CNTNAP2: variants seen among roughly 807,000 people sequenced by gnomAD.
The protein encoded by CNTNAP2 is contactin associated protein 2.
Under a neutral mutation model 155.2 loss-of-function variants are expected in CNTNAP2, and 98 were observed. The ratio of observed to expected loss-of-function variants is 0.63; its 90% CI spans 0.54 to 0.75. The LOEUF is 0.75. Among genes scored for constraint, CNTNAP2 ranks in the 30% least tolerant of loss-of-function variants. The pLI is 0.00. For synonymous variants in CNTNAP2, 651 were observed against 631.2 expected (o/e 1.03, Z -0.47); for missense variants, 1,727 against 1,688.1 (o/e 1.02, Z -0.40).
rs991117171 is a variant in CNTNAP2 at position 147,515,939 on chromosome 7, T to G, written c.1777+29898T>G. Among the ~76,000 whole-genome samples the G allele has an allele frequency of 4.6e-5, 7 of 152,234 alleles. No individual in the cohort carries two copies. The East Asian group carries it at 1.4e-3, about 29-fold the overall frequency. ...TTGAGTGCTTACATTAAGATAGTTA[T>G]GGTATGATATACTGATACTGAAATG... On this transcript the variant is annotated intron_variant, in intron 11 of 23. Transcript: ENST00000361727.
intron 15 of CNTNAP2, among the ~76,000 whole-genome samples, chr7:148,034,075 C>G (rs1205920048): frequency 6.6e-6 from 1 of 152,140 alleles, no homozygotes; most frequent in Non-Finnish European, 1.5e-5. Flanking sequence ...GCAATGCTGA[C>G]ATGCCTGCTC....
At chr7:147,912,927 G>A (rs911057747) in intron 14 of CNTNAP2, among the ~76,000 whole-genome samples, 2 of 152,220 alleles carry the variant, frequency 1.3e-5, no homozygotes, top group Non-Finnish European at 2.9e-5. Flanking sequence ...GCTGTGGTCT[G>A]TTCTGGGACC....
At chr7:147,893,251 T>C (rs1001747641) in intron 13 of CNTNAP2, among the ~76,000 whole-genome samples, 1 of 152,214 alleles carries the variant, frequency 6.6e-6, no homozygotes, top group African/African-American at 2.4e-5. Flanking sequence ...AAGTTCTTAA[T>C]TTAAATAGTA....
chr7:148,101,349 CAGTG>C (rs1804094967), intron 15 of CNTNAP2, among the ~76,000 whole-genome samples: 1 of 102,274 alleles, frequency 9.8e-6, no homozygotes, highest in South Asian at 4.0e-4. Flanking sequence ...CTAAAAAGTT[CAGTG>C]TGTGTGTGTG....
chr7:147,388,894 C>T (rs765297786), intron 9 of CNTNAP2, among the ~76,000 whole-genome samples: 16 of 152,108 alleles, frequency 1.1e-4, no homozygotes, highest in Non-Finnish European at 1.8e-4. Context: ...TATGTGTACC[C>T]TCTTTCTTTG....
At chr7:148,146,779 C>G (rs1233390408) in intron 16 of CNTNAP2, among the ~76,000 whole-genome samples, 2 of 152,072 alleles carry the variant, frequency 1.3e-5, no homozygotes, top group Non-Finnish European at 2.9e-5. Context: ...ATAGGTTACC[C>G]TCATTACACC....
intron 3 of CNTNAP2, among the ~76,000 whole-genome samples, chr7:146,954,237 A>G (rs1226288891): frequency 6.6e-6 from 1 of 151,966 alleles, no homozygotes; most frequent in Non-Finnish European, 1.5e-5. Context: ...GGTAACTGCT[A>G]CTATTTTTTC....
At chr7:146,825,488 G>C (rs1490051149) in intron 2 of CNTNAP2, among the ~76,000 whole-genome samples, 2 of 152,100 alleles carry the variant, frequency 1.3e-5, no homozygotes, top group Non-Finnish European at 2.9e-5. Context: ...AGGCATTTGA[G>C]TTAGATCTTA....
intron 2 of CNTNAP2, among the ~76,000 whole-genome samples, chr7:146,830,157 T>C (rs573628111): frequency 9.2e-4 from 140 of 152,268 alleles, no homozygotes; most frequent in Non-Finnish European, 1.6e-3. Flanking sequence ...GTTTAGCTAG[T>C]ACATTTTGAG....
intron 21 of CNTNAP2, among the ~76,000 whole-genome samples, chr7:148,304,777 C>G (rs1224193078): frequency 1.3e-5 from 2 of 152,200 alleles, no homozygotes; most frequent in Non-Finnish European, 2.9e-5. Flanking sequence ...GGCTCTTTCA[C>G]AGCCAACAAC....
intron 1 of CNTNAP2, among the ~76,000 whole-genome samples, chr7:146,385,654 T>C (rs1055241656): frequency 1.3e-5 from 2 of 152,236 alleles, no homozygotes; most frequent in Non-Finnish European, 1.5e-5. Flanking sequence ...CTTGCTTTTC[T>C]GCTGTCTCCT....
At chr7:147,744,115 A>G (rs952888177) in intron 13 of CNTNAP2, among the ~76,000 whole-genome samples, 1 of 152,242 alleles carries the variant, frequency 6.6e-6, no homozygotes, top group Admixed American at 6.5e-5. Flanking sequence ...CACAATTACC[A>G]TTGAAGAAAT....
chr7:148,075,257 T>G (rs1302477557), intron 15 of CNTNAP2, among the ~76,000 whole-genome samples: 1 of 152,104 alleles, frequency 6.6e-6, no homozygotes, highest in East Asian at 1.9e-4. Flanking sequence ...GCCAACATGG[T>G]GAAACCCCGT....
chr7:147,136,261 A>G (rs13244716), intron 8 of CNTNAP2, among the ~76,000 whole-genome samples: 14,897 of 151,974 alleles, frequency 0.098, 766 homozygotes, highest in Non-Finnish European at 0.12. Context: ...AAGCCTTTCC[A>G]AAAAGTCATT....
chr7:147,598,903 G>C (rs1563015176), intron 12 of CNTNAP2, among the ~76,000 whole-genome samples: 3 of 152,160 alleles, frequency 2.0e-5, no homozygotes, highest in East Asian at 3.9e-4. Context: ...TGTGGAGAAG[G>C]ACATGTTTGC....
At chr7:146,698,139 C>A (rs1311040971) in intron 1 of CNTNAP2, among the ~76,000 whole-genome samples, 2 of 152,102 alleles carry the variant, frequency 1.3e-5, no homozygotes, top group African/African-American at 4.8e-5. Flanking sequence ...TCTCATTTAT[C>A]TGTAAGCTAG....
chr7:146,545,229 G>A (rs1361224730), intron 1 of CNTNAP2, among the ~76,000 whole-genome samples: 1 of 151,870 alleles, frequency 6.6e-6, no homozygotes, highest in African/African-American at 2.4e-5. Flanking sequence ...GGGAGTGGGA[G>A]TTATCAAAAT....
chr7:146,875,746 A>G (rs968148445), intron 3 of CNTNAP2, among the ~76,000 whole-genome samples: 4 of 151,718 alleles, frequency 2.6e-5, no homozygotes, highest in African/African-American at 9.7e-5. Context: ...TTCTAGCTTT[A>G]TAAAAATTTT....
At chr7:146,197,071 GA>G (rs969977088) in intron 1 of CNTNAP2, among the ~76,000 whole-genome samples, 3 of 151,408 alleles carry the variant, frequency 2.0e-5, no homozygotes, top group Admixed American at 6.6e-5. Context: ...TTCTCTACTG[GA>G]AAAAAAATGG....
Sources: gnomAD v4.1 joint callset for allele counts (sites outside exome capture counted in the v4.1 genomes callset) on GRCh38, gnomAD v4.1.1 for gene constraint, MANE v1.5 for transcripts, NCBI Gene and HGNC (gene_info 2026-07-23, HGNC 2026-07-21) for gene names.